The following SORCS1 variants were observed in gnomAD, a reference collection of about 807,000 sequenced individuals.
SORCS1 encodes sortilin related VPS10 domain containing receptor 1, also known as VPS10 domain-containing receptor SorCS1.
In SORCS1, 60 loss-of-function variants were observed where a neutral mutation model predicts 146.1. That is an observed-to-expected ratio of 0.41 (90% CI 0.33 to 0.51). The LOEUF (loss-of-function observed/expected upper bound fraction) is 0.51, where lower values mean the gene tolerates loss of function less well. Ranked by LOEUF, SORCS1 falls within the 20% of genes least tolerant of loss-of-function variation. SORCS1 has a pLI of 0.21. For synonymous variants in SORCS1, 637 were observed against 584.0 expected, an observed-to-expected ratio of 1.09 and a Z score of -1.31; for missense variants, 1,352 against 1,487.6, an observed-to-expected ratio of 0.91 and a Z score of 1.50.
chr10:106,936,812 G>A (rs926207122), intron 2 of SORCS1, among the ~76,000 whole-genome samples: 1 of 152,190 alleles, frequency 6.6e-6, no homozygotes, highest in South Asian at 2.1e-4. Flanking sequence ...GGGGATAATG[G>A]AAAACAAAAT....
At chr10:106,740,147 A>C (rs1463072118) in intron 5 of SORCS1, among the ~76,000 whole-genome samples, 1 of 152,164 alleles carries the variant, frequency 6.6e-6, no homozygotes, top group Non-Finnish European at 1.5e-5. Context: ...GTGGAAATGC[A>C]GTACAGTACT....
chr10:107,043,361 G>C (rs1033950761), intron 1 of SORCS1, among the ~76,000 whole-genome samples: 1 of 152,094 alleles, frequency 6.6e-6, no homozygotes, highest in African/African-American at 2.4e-5. Context: ...TATGTTGGAA[G>C]GTAAGTCTTA....
chr10:106,746,468 C>A (rs1489965193), intron 5 of SORCS1, among the ~76,000 whole-genome samples: 1 of 152,188 alleles, frequency 6.6e-6, no homozygotes, highest in African/African-American at 2.4e-5. Context: ...AGTAAGTCAG[C>A]CTCATCACAT....
intron 1 of SORCS1, among the ~76,000 whole-genome samples, chr10:107,022,175 C>T (rs1958180667): frequency 1.3e-5 from 2 of 152,164 alleles, no homozygotes; most frequent in South Asian, 4.1e-4. Flanking sequence ...TTGGCATACC[C>T]TCTGCCATAT....
intron 5 of SORCS1, among the ~76,000 whole-genome samples, chr10:106,738,086 G>A (rs1291105924): frequency 3.9e-5 from 6 of 152,152 alleles, no homozygotes; most frequent in East Asian, 1.9e-4. Flanking sequence ...ATTGATGGAC[G>A]CAAAGAAAAA....
chr10:106,734,135 A>T (rs554770755), intron 5 of SORCS1, among the ~76,000 whole-genome samples: 22 of 152,296 alleles, frequency 1.4e-4, no homozygotes, highest in African/African-American at 4.3e-4. Context: ...TTAATTATTT[A>T]AAAAAAGGCA....
rs367602938 is a variant in SORCS1 at position 107,122,013 on chromosome 10, A to G, written c.558+41956T>C. 8.5e-5 allele frequency among the ~76,000 whole-genome samples: 13 copies of G among 152,332 alleles called. No individual in the cohort carries two copies. The East Asian group carries it at 1.9e-3, about 23-fold the overall frequency. On this transcript the variant is annotated intron_variant, in intron 1 of 25. Transcript: ENST00000263054. The stretch of plus-strand genomic sequence containing the variant: ...AGTTTGGTGGACAGGGAGTGTCCCA[A>G]GGGAAAAAGCACCAGCCACCTGATG...
intron 1 of SORCS1, among the ~76,000 whole-genome samples, chr10:106,977,606 T>TTTTA (rs58902566): frequency 2.0e-5 from 3 of 150,148 alleles, no homozygotes; most frequent in African/African-American, 7.4e-5. Flanking sequence ...TTTTTTTTTT[T>TTTTA]AATTTGTTCC....
At chr10:106,652,635 T>C in intron 17 of SORCS1, 82 bp from the exon 18 acceptor site, 1 of 1,506,458 alleles carries the variant, frequency 6.6e-7, no homozygotes, top group Admixed American at 1.8e-5. Flanking sequence ...ACATAGTGCC[T>C]AGCCCTGAGG....
intron 1 of SORCS1, among the ~76,000 whole-genome samples, chr10:107,123,416 C>A (rs1013052844): frequency 6.6e-6 from 1 of 152,088 alleles, no homozygotes; most frequent in Non-Finnish European, 1.5e-5. Context: ...AATTACAGAA[C>A]CTTGCAGTGG....
chr10:106,602,536 C>CACACACACACACACAG (rs1554875442), intron 23 of SORCS1, among the ~76,000 whole-genome samples: 10 of 151,176 alleles, frequency 6.6e-5, no homozygotes, highest in African/African-American at 2.4e-4. Context: ...CACACACACA[C>CACACACACACACACAG]ACACACACAC....
chr10:106,911,192 G>T (rs1952133482), intron 2 of SORCS1, among the ~76,000 whole-genome samples: 1 of 152,176 alleles, frequency 6.6e-6, no homozygotes, highest in African/African-American at 2.4e-5. Flanking sequence ...ACTCTTTGTT[G>T]CGACTGATGA....
chr10:107,152,622 C>G (rs1968916576), intron 1 of SORCS1, among the ~76,000 whole-genome samples: 1 of 152,152 alleles, frequency 6.6e-6, no homozygotes, highest in South Asian at 2.1e-4. Context: ...GCTTTCCCCC[C>G]ACTTCACTCT....
At position 106,760,407 on chromosome 10, in the gene SORCS1, G is replaced by T. The variant is rs559307431; in HGVS notation, c.959+1181C>A. ...TGCAGTGAGCTGAGATCAGACCACT[G>T]CACTCCAGCCTGGTGACAGAGTGAG... On this transcript the variant is annotated intron_variant, in intron 5 of 25. Coordinates refer to ENST00000263054, the MANE Select transcript of SORCS1 (RefSeq NM_052918.5). Among the ~76,000 whole-genome samples, 3 of 131,856 alleles carry T rather than the reference G, an allele frequency of 2.3e-5. No homozygotes were observed. The South Asian group carries it at 7.4e-4, about 32-fold the overall frequency. 86.5% of individuals were successfully genotyped at this position (131,856 alleles called of 152,430 possible). A position where few individuals can be genotyped will look rare whatever the true frequency, so the allele number is the denominator to read the frequency against.
chr10:106,925,168 C>T (rs1279071392), intron 2 of SORCS1, among the ~76,000 whole-genome samples: 1 of 151,962 alleles, frequency 6.6e-6, no homozygotes, highest in Non-Finnish European at 1.5e-5. Context: ...CACAATTCTG[C>T]ATAAATGATT....
rs1339342439 is a variant in SORCS1 at position 106,806,368 on chromosome 10, A to AAAAATAAAAT, written c.726+23196_726+23205dup. Among the ~76,000 whole-genome samples the AAAAATAAAAT allele has an allele frequency of 3.4e-3, 486 of 140,870 alleles. 4 individuals carry two copies. The highest frequency in any genetic ancestry group is 0.012 in the African/African-American group (463 of 37,634). The allele number at this position is 140,870 out of a possible 152,430, so 92.4% of individuals were successfully genotyped here. A position where few individuals can be genotyped will look rare whatever the true frequency, so the allele number is the denominator to read the frequency against. ...GGGTGACAGAGTGAGACTCCTCCTC[A>AAAAATAAAAT]AAAATAAAATAAAATAAAAATAAAA... On this transcript the variant is annotated intron_variant, in intron 3 of 25. Transcript: ENST00000263054.
chr10:106,615,525 A>G (rs991341872), intron 21 of SORCS1, among the ~76,000 whole-genome samples: 2 of 152,108 alleles, frequency 1.3e-5, no homozygotes, highest in African/African-American at 4.8e-5. Flanking sequence ...AAACTGTCTG[A>G]TCATGGAACC....
At chr10:106,809,839 A>C (rs1210507566) in intron 3 of SORCS1, among the ~76,000 whole-genome samples, 1 of 152,058 alleles carries the variant, frequency 6.6e-6, no homozygotes, top group Non-Finnish European at 1.5e-5. Flanking sequence ...AGGCACATCT[A>C]CTGTTTGTGG....
At chr10:106,844,828 G>C (rs1175027789) in intron 2 of SORCS1, among the ~76,000 whole-genome samples, 29 of 143,618 alleles carry the variant, frequency 2.0e-4, no homozygotes, top group East Asian at 4.1e-4. Flanking sequence ...GAGAATATGC[G>C]GTGTTTGGTT....
Sources: gnomAD v4.1 joint callset for allele counts (sites outside exome capture counted in the v4.1 genomes callset) on GRCh38, gnomAD v4.1.1 for gene constraint, MANE v1.5 for transcripts, NCBI Gene and HGNC (gene_info 2026-07-23, HGNC 2026-07-21) for gene names.